Variants in OPRM1 observed in about 807,000 individuals in gnomAD.
OPRM1 encodes opioid receptor mu 1.
In OPRM1, 27 loss-of-function variants were observed where a neutral mutation model predicts 31.8. That is an observed-to-expected ratio of 0.85 (90% CI 0.63 to 1.17). The LOEUF (loss-of-function observed/expected upper bound fraction) is 1.17, where lower values mean the gene tolerates loss of function less well. OPRM1 is among the 50% of genes most tolerant of loss of function. The pLI is 0.00. For missense variants in OPRM1, 536 were observed against 511.1 expected (o/e 1.05, Z -0.47); for synonymous variants, 196 against 189.9 (o/e 1.03, Z -0.26).
At chr6:154,112,657 G>T (rs190254038) in intron 3 of OPRM1, among the ~76,000 whole-genome samples, 2 of 152,338 alleles carry the variant, frequency 1.3e-5, no homozygotes, top group East Asian at 1.9e-4. Flanking sequence ...ATTAGATCTT[G>T]CAGTTCAGCT....
intron 3 of OPRM1, among the ~76,000 whole-genome samples, chr6:154,137,722 G>C (rs761541198): frequency 2.6e-5 from 4 of 152,176 alleles, no homozygotes; most frequent in Non-Finnish European, 4.4e-5. Flanking sequence ...TATATACCAT[G>C]AGAGTTCAGA....
chr6:154,084,530 C>A (rs978057460), intron 1 of OPRM1, among the ~76,000 whole-genome samples: 3 of 152,082 alleles, frequency 2.0e-5, no homozygotes, highest in Non-Finnish European at 4.4e-5. Context: ...TGACCATATT[C>A]TTTGCCTAAA....
intron 3 of OPRM1, chr6:154,154,766 A>G (rs1169895715): frequency 6.6e-6 from 1 of 152,564 alleles, no homozygotes; most frequent in Non-Finnish European, 1.5e-5. Context: ...CCTCAAAAAC[A>G]TAAAGCAGGA....
At chr6:154,152,350 A>AAGAAAGAG (rs2128542080) in intron 3 of OPRM1, among the ~76,000 whole-genome samples, 1 of 145,288 alleles carries the variant, frequency 6.9e-6, no homozygotes, top group East Asian at 2.0e-4. Flanking sequence ...AAAGAAAGGA[A>AAGAAAGAG]AGAAAGAAAG....
intron 3 of OPRM1, among the ~76,000 whole-genome samples, chr6:154,182,127 G>A (rs989496863): frequency 1.3e-5 from 2 of 152,118 alleles, no homozygotes; most frequent in African/African-American, 2.4e-5. Flanking sequence ...GAGAAAGAGA[G>A]AGAGAACACC....
Position 154,119,399 on chromosome 6 carries a change from A to G in OPRM1, c.*678A>G, listed in dbSNP as rs1797183647. The G allele has an allele frequency of 1.0e-6, 1 of 985,286 alleles. No homozygotes were observed. Among genetic ancestry groups the G allele is most frequent in the Non-Finnish European group, 1.2e-6 (1 of 829,918 alleles). 61.0% of individuals were successfully genotyped at this position (985,286 alleles called of 1,614,324 possible). ...AAAGGTTGATTCTCATGCACTGCAA[A>G]TACTTCCAAAGAGTCATCATGGGGG... is the stretch of plus-strand genomic sequence containing the variant. On this transcript the variant is annotated 3_prime_UTR_variant, in exon 4 of 4. Transcript: ENST00000330432.
chr6:154,038,265 AC>A (rs1321814213), upstream of OPRM1, among the ~76,000 whole-genome samples: 1 of 152,208 alleles, frequency 6.6e-6, no homozygotes, highest in Non-Finnish European at 1.5e-5. Context: ...AAAGATATGT[AC>A]ATGCACAGAT....
rs1394813448 is a variant in OPRM1, at chr6:154,123,616, C to A, written c.*4895C>A. On this transcript the variant is annotated 3_prime_UTR_variant, in exon 4 of 4. Transcript: ENST00000330432. ...TGGTTGGCTATTTTTGTGGTTATTTCTTGATTATATGCTAAACAAGGGGTG... is the reference window on the plus strand; with the variant it reads ...TGGTTGGCTATTTTTGTGGTTATTTATTGATTATATGCTAAACAAGGGGTG... 6.6e-6 allele frequency among the ~76,000 whole-genome samples: 1 copy of A among 152,148 alleles called. No homozygotes were observed. The highest frequency in any genetic ancestry group is 1.5e-5 in the Non-Finnish European group (1 of 68,018).
intron 3 of OPRM1, among the ~76,000 whole-genome samples, chr6:154,212,542 A>G (rs1396284607): frequency 2.0e-5 from 3 of 152,234 alleles, no homozygotes; most frequent in African/African-American, 7.2e-5. Context: ...TTCTCTGAGT[A>G]CGGTACATCT....
intron 3 of OPRM1, chr6:154,221,475 C>T: frequency 3.0e-6 from 2 of 661,668 alleles, no homozygotes; most frequent in South Asian, 2.0e-5. Flanking sequence ...TATTAGATAC[C>T]TATTGTCTAG....
chr6:154,201,527 G>A (rs9322451), intron 3 of OPRM1, among the ~76,000 whole-genome samples: 35,293 of 152,076 alleles, frequency 0.23, 4,803 homozygotes, highest in East Asian at 0.61. Flanking sequence ...AGCAGACAAG[G>A]TAGAGAAGGC....
At chr6:154,133,707 TGG>T (rs772801382), downstream of OPRM1, among the ~76,000 whole-genome samples, 35 of 152,254 alleles carry the variant, frequency 2.3e-4, no homozygotes, top group Admixed American at 4.6e-4. Context: ...CAATGTGTGT[TGG>T]TCTGTTTCCA....
chr6:154,019,747 CTTTTTTTTT>C (rs373120574), intron 1 of OPRM1, among the ~76,000 whole-genome samples: 1 of 122,016 alleles, frequency 8.2e-6, no homozygotes, highest in Admixed American at 8.0e-5. Flanking sequence ...CTTTTCTTTT[CTTTTTTTTT>C]TTTTTTTTTG....
At chr6:154,199,387 T>C in intron 3 of OPRM1, among the ~76,000 whole-genome samples, 1 of 152,230 alleles carries the variant, frequency 6.6e-6, no homozygotes, top group Non-Finnish European at 1.5e-5. Context: ...GGCAAGTTTT[T>C]TCTCCGATTG....
intron 3 of OPRM1, among the ~76,000 whole-genome samples, chr6:154,144,239 G>A (rs1798300894): frequency 1.3e-5 from 2 of 152,024 alleles, no homozygotes; most frequent in African/African-American, 2.4e-5. Flanking sequence ...TCTACTAAAC[G>A]TTTAAAGAAG....
chr6:154,206,698 A>G (rs913444250), intron 3 of OPRM1, among the ~76,000 whole-genome samples: 1 of 152,258 alleles, frequency 6.6e-6, no homozygotes, highest in African/African-American at 2.4e-5. Flanking sequence ...AGATGTTCTC[A>G]TGAAGGAATC....
intron 3 of OPRM1, among the ~76,000 whole-genome samples, chr6:154,230,264 C>A (rs1377557696): frequency 6.6e-6 from 1 of 152,128 alleles, no homozygotes; most frequent in Non-Finnish European, 1.5e-5. Flanking sequence ...TCAGTTATAA[C>A]AAATCTCCCA....
At chr6:154,067,786 C>G (rs1255953081) in intron 1 of OPRM1, among the ~76,000 whole-genome samples, 2 of 151,952 alleles carry the variant, frequency 1.3e-5, no homozygotes, top group African/African-American at 4.8e-5. Flanking sequence ...ATTCTGTCCA[C>G]TTTTGCTTTA....
At chr6:154,037,273 GA>G (rs1779361578), upstream of OPRM1, among the ~76,000 whole-genome samples, 2 of 151,600 alleles carry the variant, frequency 1.3e-5, no homozygotes, top group Middle Eastern at 3.2e-3. Context: ...AGTATTTGTG[GA>G]ACTGGCTTGG....
Sources: gnomAD v4.1 joint callset for allele counts (sites outside exome capture counted in the v4.1 genomes callset) on GRCh38, gnomAD v4.1.1 for gene constraint, MANE v1.5 for transcripts, NCBI Gene and HGNC (gene_info 2026-07-23, HGNC 2026-07-21) for gene names.